ATXN7: variants seen among roughly 807,000 people sequenced by gnomAD.
ATXN7 encodes the protein ataxin-7.
In ATXN7, 12 loss-of-function variants were observed where a neutral mutation model predicts 70.5. The ratio of observed to expected loss-of-function variants is 0.17; its 90% CI spans 0.11 to 0.28. ATXN7 has a LOEUF of 0.28. ATXN7 is among the 10% of genes least tolerant of loss of function. The pLI is 1.00. For synonymous variants in ATXN7, 498 were observed against 448.7 expected (o/e 1.11, Z -1.39); for missense variants, 1,256 against 1,131.7 (o/e 1.11, Z -1.58).
At chr3:63,940,285 T>TCACA (rs34660611) in intron 4 of ATXN7, among the ~76,000 whole-genome samples, 5,974 of 141,448 alleles carry the variant, frequency 0.042, 145 homozygotes, top group African/African-American at 0.079. Context: ...CCATGCCCCA[T>TCACA]CACACACACA....
rs754267860 is a variant in ATXN7, at chr3:64,003,205, C to CTTTTTTTTTTTTTTTTTTTTT, written c.*3742_*3762dup. ...AATGTAGGGCCTTGAAAGCATTTTG[C>CTTTTTTTTTTTTTTTTTTTTT]TTTTTTTTTTTTTTTTTTTTTTTTG... is the stretch of plus-strand genomic sequence containing the variant. On this transcript the variant is annotated 3_prime_UTR_variant, in exon 13 of 13. Coordinates refer to ENST00000674280, the MANE Select transcript of ATXN7 (RefSeq NM_001377405.1). The CTTTTTTTTTTTTTTTTTTTTT allele has an allele frequency of 1.3e-5, 1 of 75,514 alleles. No homozygotes were observed. Among genetic ancestry groups the CTTTTTTTTTTTTTTTTTTTTT allele is most frequent in the African/African-American group, 5.3e-5 (1 of 18,848 alleles). 4.7% of individuals were successfully genotyped at this position (75,514 alleles called of 1,614,324 possible). A position where few individuals can be genotyped will look rare whatever the true frequency, so the allele number is the denominator to read the frequency against.
chr3:63,874,307 G>A (rs907095199), intron 1 of ATXN7, among the ~76,000 whole-genome samples: 3 of 151,916 alleles, frequency 2.0e-5, no homozygotes, highest in Non-Finnish European at 4.4e-5. Flanking sequence ...TTTATTTTTC[G>A]GTCTTCTTGT....
At chr3:63,866,655 T>C (rs1482541382) in intron 1 of ATXN7, among the ~76,000 whole-genome samples, 1 of 152,232 alleles carries the variant, frequency 6.6e-6, no homozygotes, top group Non-Finnish European at 1.5e-5. Flanking sequence ...GCAATTGCAT[T>C]GACACAGATC....
rs940216239 is a variant in ATXN7 at position 63,991,111 on chromosome 3, G to T, written c.1682+252G>T. 2.5e-5 allele frequency: 12 copies of T among 475,716 alleles called. No homozygotes were observed. In the Admixed American group the frequency reaches 4.0e-4, roughly 16 times the overall value. 29.5% of individuals were successfully genotyped at this position (475,716 alleles called of 1,614,324 possible). On this transcript the variant is annotated intron_variant, in intron 11 of 12. Coordinates refer to ENST00000674280, the MANE Select transcript of ATXN7 (RefSeq NM_001377405.1). Reference sequence around the variant, plus strand: ...GGAGCTCACAGTCTAGTTGGGATTGGGTAAGGGGAGAAAAAAACTAGTCTA... The same window carrying T: ...GGAGCTCACAGTCTAGTTGGGATTGTGTAAGGGGAGAAAAAAACTAGTCTA...
At chr3:63,939,233 G>A (rs1367115034) in intron 4 of ATXN7, among the ~76,000 whole-genome samples, 1 of 152,108 alleles carries the variant, frequency 6.6e-6, no homozygotes, top group African/African-American at 2.4e-5. Flanking sequence ...TGTTCTGTAA[G>A]ATGGGAAGCA....
chr3:64,000,175 T>A lies in ATXN7; in HGVS notation c.*708T>A, dbSNP rs963896767. The A allele has an allele frequency of 6.6e-6, 1 of 152,254 alleles. No homozygotes were observed. Among genetic ancestry groups the A allele is most frequent in the Non-Finnish European group, 1.5e-5 (1 of 68,002 alleles). The allele number at this position is 152,254 out of a possible 1,614,324, so 9.4% of individuals were successfully genotyped here. On this transcript the variant is annotated 3_prime_UTR_variant, in exon 13 of 13. Transcript: ENST00000674280. ...ATGCCCAGACAGCAAGTATAAATCATTTTGGAGGCTTACTTTTCATGATAC... is the reference window on the plus strand; with the variant it reads ...ATGCCCAGACAGCAAGTATAAATCAATTTGGAGGCTTACTTTTCATGATAC...
At chr3:63,965,785 A>G (rs1013924101) in intron 5 of ATXN7, among the ~76,000 whole-genome samples, 6 of 152,218 alleles carry the variant, frequency 3.9e-5, no homozygotes, top group African/African-American at 1.4e-4. Flanking sequence ...TTGCTTAAAC[A>G]TTTTATTCAG....
rs2106780205 is a variant in ATXN7, at chr3:63,988,183, C to T, written c.1220C>T (p.Pro407Leu). The change falls in exon 9 of 13, where the codon CCA becomes CTA. Residue 407 changes from proline to leucine, a missense_variant. Pro to Leu is a moderately conservative substitution (Grantham distance 98). Transcript: ENST00000674280. ...ELIRHPDSQQ[P>L]PQPLRDPHPA... is the part of the protein sequence containing the mutation. ...ATTCGCCATCCGGACTCTCAGCAAC[C>T]ACCGCAGCCTCTCAGGGACCCGCAT... The T allele has an allele frequency of 1.2e-6, 2 of 1,614,092 alleles. No homozygotes were observed. Among genetic ancestry groups the T allele is most frequent in the Non-Finnish European group, 1.7e-6 (2 of 1,180,004 alleles).
At chr3:63,974,102 T>C (rs1382009163) in intron 5 of ATXN7, among the ~76,000 whole-genome samples, 1 of 151,984 alleles carries the variant, frequency 6.6e-6, no homozygotes, top group Non-Finnish European at 1.5e-5. Context: ...TCCCCTGTCT[T>C]TCTAGGCATT....
At chr3:63,968,732 T>G (rs920779579) in intron 5 of ATXN7, among the ~76,000 whole-genome samples, 6 of 152,176 alleles carry the variant, frequency 3.9e-5, no homozygotes, top group Non-Finnish European at 4.4e-5. Flanking sequence ...AAGCTGATTC[T>G]TGGGTGGATG....
chr3:63,893,287 G>T (rs116504299), intron 1 of ATXN7, among the ~76,000 whole-genome samples: 1,728 of 152,272 alleles, frequency 0.011, 43 homozygotes, highest in Non-Finnish European at 0.014. Flanking sequence ...ACAAATTGGA[G>T]AATTACTGGG....
intron 4 of ATXN7, among the ~76,000 whole-genome samples, chr3:63,938,128 T>C (rs1398489343): frequency 6.6e-6 from 1 of 152,196 alleles, no homozygotes; most frequent in Non-Finnish European, 1.5e-5. Context: ...CCACATTTGT[T>C]TGCATATGGT....
chr3:63,913,213 C>T lies in ATXN7; in HGVS notation c.382C>T (p.Leu128Phe). ...EFGKNREVMG[L>F]CREDMPIFGF... is the part of the protein sequence containing the mutation. ...TGGGAAAAACCGCGAAGTCATGGGG[C>T]TCTGTCGGGAAGGTGAGTCCAGCCC... Residue 128 changes from leucine (L) to phenylalanine (F), a missense_variant, in exon 4 of 13, where the codon CTC becomes TTC. Transcript: ENST00000674280. The T allele has an allele frequency of 6.2e-7, 1 of 1,613,822 alleles. No individual in the cohort carries two copies. Among genetic ancestry groups the T allele is most frequent in the South Asian group, 1.1e-5 (1 of 91,060 alleles).
At chr3:63,905,773 G>C (rs959319642) in intron 2 of ATXN7, 1 of 152,106 alleles carries the variant, frequency 6.6e-6, no homozygotes, top group Admixed American at 6.6e-5. Flanking sequence ...TAGACGTGGG[G>C]GCATAGTAGG....
chr3:63,897,457 C>T (rs1703480226), intron 1 of ATXN7, among the ~76,000 whole-genome samples: 1 of 152,176 alleles, frequency 6.6e-6, no homozygotes, highest in African/African-American at 2.4e-5. Context: ...CATATAATTT[C>T]AGCCACTGAT....
chr3:63,877,756 G>A (rs886894873), intron 1 of ATXN7, among the ~76,000 whole-genome samples: 10 of 152,260 alleles, frequency 6.6e-5, no homozygotes, highest in African/African-American at 1.4e-4. Context: ...AAGAATGCCC[G>A]AATATTCACA....
chr3:63,888,902 T>A (rs187191951), intron 1 of ATXN7, among the ~76,000 whole-genome samples: 1 of 152,346 alleles, frequency 6.6e-6, no homozygotes, highest in East Asian at 1.9e-4. Flanking sequence ...AAATTTGTCA[T>A]TTTGGGAATG....
chr3:63,948,913 T>C (rs1010722179), intron 4 of ATXN7, among the ~76,000 whole-genome samples: 1 of 152,236 alleles, frequency 6.6e-6, no homozygotes, highest in Admixed American at 6.5e-5. Context: ...TTAATTCAAG[T>C]ACAATTTTTA....
chr3:63,882,958 AAGT>A (rs1347162914), intron 1 of ATXN7, among the ~76,000 whole-genome samples: 1 of 152,130 alleles, frequency 6.6e-6, no homozygotes, highest in African/African-American at 2.4e-5. Flanking sequence ...TCTTCCTGAG[AAGT>A]AGGTTTGATT....
Sources: gnomAD v4.1 joint callset for allele counts (sites outside exome capture counted in the v4.1 genomes callset) on GRCh38, gnomAD v4.1.1 for gene constraint, MANE v1.5 for transcripts, NCBI Gene and HGNC (gene_info 2026-07-23, HGNC 2026-07-21) for gene names.